The following NUTM2D variants were observed in gnomAD, a reference collection of about 807,000 sequenced individuals.
NUTM2D encodes NUT family member 2A pseudogene.
A neutral mutation model predicts 43.5 loss-of-function variants in NUTM2D; 2 were observed. That is an observed-to-expected ratio of 0.05 (90% CI 0.02 to 0.14). The LOEUF is 0.14. Among genes scored for constraint, NUTM2D ranks in the 10% least tolerant of loss-of-function variants. The pLI, the probability that NUTM2D is intolerant of heterozygous loss-of-function variation, is 1.00. For missense variants in NUTM2D, 48 were observed against 668.7 expected (o/e 0.07, Z 10.24); for synonymous variants, 24 against 276.6 (o/e 0.09, Z 9.06).
At chr10:87,365,410 G>T (rs1190874007) in intron 5 of NUTM2D, among the ~76,000 whole-genome samples, 3 of 148,822 alleles carry the variant, frequency 2.0e-5, no homozygotes, top group African/African-American at 7.4e-5. Flanking sequence ...GTCTGTGTGG[G>T]TGTGAGTGTG....
At chr10:87,359,653 CCT>C (rs1339948222) in intron 1 of NUTM2D, among the ~76,000 whole-genome samples, 20 of 133,110 alleles carry the variant, frequency 1.5e-4, no homozygotes, top group Middle Eastern at 3.2e-3. Context: ...AGACACCTCC[CCT>C]GTTAGCTCTG....
At chr10:87,365,283 T>A (rs1202744067) in intron 5 of NUTM2D, 80 bp downstream of exon 5, 27 of 1,560,864 alleles carry the variant, frequency 1.7e-5, no homozygotes, top group Non-Finnish European at 2.2e-5. Context: ...GCTCTGTTCC[T>A]TAGCTACTCA....
In NUTM2D at chr10:87,358,134, A is replaced by G. The variant is rs1850232012; in HGVS notation, c.-132A>G. On this transcript the variant is annotated 5_prime_UTR_variant, in exon 1 of 7. Transcript: ENST00000381697. ...AAAGTTGCCTAAAGAGGCACACGCC[A>G]TCTCTGCTGCTGCCTTCCAGTTGGA... The G allele has an allele frequency of 1.2e-6, 2 of 1,604,388 alleles. No individual in the cohort carries two copies. Among genetic ancestry groups the G allele is most frequent in the African/African-American group, 2.7e-5 (2 of 74,878 alleles).
downstream of NUTM2D, chr10:87,370,036 A>T (rs1330585841): frequency 3.9e-5 from 6 of 152,258 alleles, no homozygotes; most frequent in East Asian, 1.2e-3. Context: ...GCGTTGCATG[A>T]TGCCCTATGA....
intron 5 of NUTM2D, 149 bp from the exon 6 acceptor site, chr10:87,365,538 CTG>C: frequency 1.9e-6 from 1 of 532,646 alleles, no homozygotes; most frequent in African/African-American, 2.2e-5. Context: ...GGTCTGTGGT[CTG>C]TGTCTGTAGC....
chr10:87,370,125 G>A (rs889425385), downstream of NUTM2D: 8 of 152,230 alleles, frequency 5.3e-5, no homozygotes, highest in Middle Eastern at 3.4e-3. Context: ...TACATTTTTA[G>A]TATGTATCAT....
intron 5 of NUTM2D, 60 bp downstream of exon 5, chr10:87,365,263 T>C (rs1241832828): frequency 3.9e-6 from 6 of 1,534,906 alleles, no homozygotes; most frequent in Non-Finnish European, 5.2e-6. Flanking sequence ...TCCCAGGTCC[T>C]TGGAATTAAG....
downstream of NUTM2D, chr10:87,367,532 G>T: frequency 1.6e-6 from 1 of 610,632 alleles, no homozygotes; most frequent in Non-Finnish European, 2.9e-6. Flanking sequence ...GGAGAAGGCA[G>T]CCGCCTGCAA....
downstream of NUTM2D, chr10:87,370,420 G>T (rs935956957): frequency 1.3e-5 from 2 of 152,156 alleles, no homozygotes; most frequent in Non-Finnish European, 2.9e-5. Flanking sequence ...ATACCCACTA[G>T]CTGTGTGAGG....
chr10:87,369,862 GGATGACA>G, downstream of NUTM2D: 1 of 152,030 alleles, frequency 6.6e-6, no homozygotes, highest in South Asian at 2.1e-4. Context: ...CTTCACCATT[GGATGACA>G]GATCCCCGAA....
downstream of NUTM2D, chr10:87,367,337 G>A (rs768581374): frequency 5.6e-6 from 9 of 1,609,282 alleles, no homozygotes; most frequent in African/African-American, 2.7e-5. Context: ...GACGTAGGGA[G>A]CCCCTTCAGA....
At chr10:87,369,613 G>A (rs1182594268), downstream of NUTM2D, 1 of 152,132 alleles carries the variant, frequency 6.6e-6, no homozygotes, top group Non-Finnish European at 1.5e-5. Context: ...TCCACCCCAA[G>A]TGCAGTGTAT....
At position 87,365,181 on chromosome 10, in the gene NUTM2D, C is replaced by T. The variant is rs763219266; in HGVS notation, c.1496C>T (p.Ser499Phe). ...CTGAGCTACACTGACAAGCTGTGTT[C>T]CCAGAAAGACTTCGTCACCAAGGTG... is the stretch of plus-strand genomic sequence containing the variant. ...GLLSYTDKLC[S>F]QKDFVTKVEA... The change falls in exon 5 of 7, where the codon TCC becomes TTC. Residue 499 changes from serine (S) to phenylalanine (F), a missense_variant. By Grantham distance (155) the Ser-to-Phe change is radical. Coordinates refer to ENST00000381697, the MANE Select transcript of NUTM2D (RefSeq NM_001382304.1). 1 of 1,396,718 alleles carries T rather than the reference C, an allele frequency of 7.2e-7. No homozygotes were observed. Among genetic ancestry groups the T allele is most frequent in the Non-Finnish European group, 9.7e-7 (1 of 1,025,738 alleles). 86.5% of individuals were successfully genotyped at this position (1,396,718 alleles called of 1,614,324 possible). A position where few individuals can be genotyped will look rare whatever the true frequency, so the allele number is the denominator to read the frequency against.
chr10:87,370,563 C>T (rs867591321), downstream of NUTM2D: 1 of 152,184 alleles, frequency 6.6e-6, no homozygotes, highest in Non-Finnish European at 1.5e-5. Flanking sequence ...ACCTCTTTCA[C>T]GTACCTATTC....
chr10:87,366,446 AC>A lies in NUTM2D; in HGVS notation c.1945del (p.His649ThrfsTer90). ...RAARPTSPPQ[D>X]HRPTCPGVGT... ...GCCCGGCCAACCTCTCCTCCCCAGG[AC>A]CACAGACCCACCTGCCCTGGCGTGG... On this transcript the variant is annotated frameshift_variant, in exon 7 of 7. Coordinates refer to ENST00000381697, the MANE Select transcript of NUTM2D (RefSeq NM_001382304.1). LOFTEE classifies it high-confidence loss of function. 1 of 1,423,992 alleles carries A rather than the reference AC, an allele frequency of 7.0e-7. No individual in the cohort carries two copies. The highest frequency in any genetic ancestry group is 9.8e-7 in the Non-Finnish European group (1 of 1,016,874). 88.2% of individuals were successfully genotyped at this position (1,423,992 alleles called of 1,614,324 possible). A position where few individuals can be genotyped will look rare whatever the true frequency, so the allele number is the denominator to read the frequency against.
chr10:87,361,479 T>C lies in NUTM2D; in HGVS notation c.866+299T>C, dbSNP rs1452074820. On this transcript the variant is annotated intron_variant, in intron 2 of 6. Transcript: ENST00000381697. ...GTCAGAGAGGGTTCCTGGTGTGACG[T>C]GAGCTACGGTTTGGGTTTAGGTCTT... Among the ~76,000 whole-genome samples the C allele has an allele frequency of 3.8e-5, 2 of 52,240 alleles. 1 individual carries two copies. 34.3% of individuals were successfully genotyped at this position (52,240 alleles called of 152,430 possible).
chr10:87,365,430 C>T (rs561454823), intron 5 of NUTM2D, among the ~76,000 whole-genome samples: 5 of 142,778 alleles, frequency 3.5e-5, no homozygotes, highest in South Asian at 4.8e-4. Flanking sequence ...GGAGTGTGTA[C>T]GTTACCTGTG....
chr10:87,358,441 T>C lies in NUTM2D; in HGVS notation c.166+10T>C, dbSNP rs1850238577. On this transcript the variant is annotated intron_variant, in intron 1 of 6. Transcript: ENST00000381697. ...ATGGCTTCAAATGGAGGTAAGCCTGTAGGGATGGGGGCATTATCTGAGTCT... is the reference window on the plus strand; with the variant it reads ...ATGGCTTCAAATGGAGGTAAGCCTGCAGGGATGGGGGCATTATCTGAGTCT... The C allele has an allele frequency of 6.2e-7, 1 of 1,613,714 alleles. No homozygotes were observed. The highest frequency in any genetic ancestry group is 8.5e-7 in the Non-Finnish European group (1 of 1,179,964).
intron 5 of NUTM2D, 149 bp downstream of exon 5, chr10:87,365,352 T>C (rs200171549): frequency 0.099 from 142,301 of 1,433,830 alleles, 353 homozygotes; most frequent in Admixed American, 0.16. Flanking sequence ...TGTGTCTGTG[T>C]GTTGCTGTGT....
Sources: gnomAD v4.1 joint callset for allele counts (sites outside exome capture counted in the v4.1 genomes callset) on GRCh38, gnomAD v4.1.1 for gene constraint, MANE v1.5 for transcripts, NCBI Gene and HGNC (gene_info 2026-07-23, HGNC 2026-07-21) for gene names.